The following GNA12 variants were observed in gnomAD, a reference collection of about 807,000 sequenced individuals.
GNA12 encodes guanine nucleotide-binding protein subunit alpha-12.
GNA12 carries 9 observed loss-of-function variants against 26.0 expected under a neutral mutation model. That is an observed-to-expected ratio of 0.35 (90% CI 0.21 to 0.60). The LOEUF is 0.60. Among genes scored for constraint, GNA12 ranks in the 20% least tolerant of loss-of-function variants. GNA12 has a pLI of 0.78. For synonymous variants in GNA12, 264 were observed against 219.6 expected (o/e 1.20, Z -1.79); for missense variants, 405 against 525.8 (o/e 0.77, Z 2.25).
At chr7:2,775,911 C>T (rs1383773584) in intron 2 of GNA12, among the ~76,000 whole-genome samples, 3 of 152,192 alleles carry the variant, frequency 2.0e-5, no homozygotes, top group Non-Finnish European at 4.4e-5. Context: ...GGAAAAGGTC[C>T]GTACAGCTAG....
chr7:2,741,715 G>C (rs138538825), intron 2 of GNA12, among the ~76,000 whole-genome samples: 2 of 151,890 alleles, frequency 1.3e-5, no homozygotes, highest in African/African-American at 4.8e-5. Flanking sequence ...TTAAAAATCC[G>C]TCATCATTTG....
Position 2,763,770 on chromosome 7 carries a change from T to C in GNA12, c.526-30269A>G, listed in dbSNP as rs565646664. Among the ~76,000 whole-genome samples the C allele has an allele frequency of 1.3e-3, 205 of 152,268 alleles. 2 individuals are homozygous for C. Among genetic ancestry groups the C allele is most frequent in the African/African-American group, 4.5e-3 (187 of 41,548 alleles). Reference sequence around the variant, plus strand: ...AAATGCCTCCCCCACAGGCTCTGCTTTTCCTGTCGCCTGGAACAAGAAAGC... The same window carrying C: ...AAATGCCTCCCCCACAGGCTCTGCTCTTCCTGTCGCCTGGAACAAGAAAGC... On this transcript the variant is annotated intron_variant, in intron 2 of 3. Coordinates refer to ENST00000275364, the MANE Select transcript of GNA12 (RefSeq NM_007353.3).
At chr7:2,796,704 G>A (rs116098060) in intron 1 of GNA12, among the ~76,000 whole-genome samples, 1,916 of 152,202 alleles carry the variant, frequency 0.013, 43 homozygotes, top group African/African-American at 0.043. Context: ...TCTTTTGCTT[G>A]TTTCCTCATT....
Position 2,731,628 on chromosome 7 carries a change from G to C in GNA12, c.699C>G (p.Ser233=). The change falls in exon 4 of 4, where the codon TCC becomes TCG. Residue 233 remains serine (S), a synonymous_variant. Coordinates refer to ENST00000275364, the MANE Select transcript of GNA12 (RefSeq NM_007353.3). This position sits in a 1 kb window ranked among gnomAD's most constrained non-coding sequence, Gnocchi z 6.0. ...AGCACTGGAACCACTTCTGGCGCTG[G>C]GACCGCTGGCCGCCCACATCCACCA... ...FKMVDVGGQR[S]QRQKWFQCFD... 1 of 1,613,898 alleles carries C rather than the reference G, an allele frequency of 6.2e-7. No homozygotes were observed. The highest frequency in any genetic ancestry group is 8.5e-7 in the Non-Finnish European group (1 of 1,179,964).
intron 1 of GNA12, among the ~76,000 whole-genome samples, chr7:2,827,443 C>T (rs548894942): frequency 2.6e-5 from 4 of 152,176 alleles, no homozygotes; most frequent in African/African-American, 9.7e-5. Flanking sequence ...GTTGTATTAA[C>T]GAAACTTCAG....
chr7:2,766,334 A>T (rs1791801839), intron 2 of GNA12, among the ~76,000 whole-genome samples: 1 of 150,696 alleles, frequency 6.6e-6, no homozygotes, highest in African/African-American at 2.4e-5. Flanking sequence ...GTGTGTATGT[A>T]CTACATGCTG....
chr7:2,786,747 A>G (rs1792372195), intron 2 of GNA12, among the ~76,000 whole-genome samples: 1 of 152,222 alleles, frequency 6.6e-6, no homozygotes, highest in South Asian at 2.1e-4. Flanking sequence ...ACCGGGACTG[A>G]TGCTGTCCCT....
Position 2,795,120 on chromosome 7 carries a change from T to C in GNA12, c.333A>G (p.Ala111=), listed in dbSNP as rs2230877. The C allele has an allele frequency of 9.7e-3, 15,691 of 1,613,288 alleles. 160 individuals are homozygous for C. The highest frequency in any genetic ancestry group is 0.049 in the African/African-American group (3,702 of 75,002). Residue 111 remains alanine, a synonymous_variant, in exon 2 of 4, where the codon GCA becomes GCG. Coordinates refer to ENST00000275364, the MANE Select transcript of GNA12 (RefSeq NM_007353.3). ...GCCAAGGAATGCCAAGCTTATCTCG[T>C]GCATCAACAAGAACCCTTGAGCCCT... is the stretch of plus-strand genomic sequence containing the variant. ...ILKGSRVLVD[A]RDKLGIPWQY... is the part of the protein sequence containing the mutation.
chr7:2,843,354 C>T (rs1331118100), intron 1 of GNA12, among the ~76,000 whole-genome samples: 1 of 152,018 alleles, frequency 6.6e-6, no homozygotes, highest in African/African-American at 2.4e-5. Flanking sequence ...CTAGAGAGGG[C>T]AGAGGCAGAC....
At chr7:2,754,310 T>C (rs993531652) in intron 2 of GNA12, among the ~76,000 whole-genome samples, 17 of 152,190 alleles carry the variant, frequency 1.1e-4, no homozygotes, top group South Asian at 4.1e-4. Context: ...ATATGTTTTG[T>C]TATTTTCTGT....
At chr7:2,817,174 C>T (rs1157742199) in intron 1 of GNA12, among the ~76,000 whole-genome samples, 4 of 152,354 alleles carry the variant, frequency 2.6e-5, no homozygotes, top group Admixed American at 6.5e-5. Flanking sequence ...GGCGCGACCT[C>T]GGCTCACCGC....
chr7:2,749,663 A>G (rs1455741236), intron 2 of GNA12, among the ~76,000 whole-genome samples: 1 of 152,152 alleles, frequency 6.6e-6, no homozygotes, highest in Non-Finnish European at 1.5e-5. Flanking sequence ...AAGTATAATA[A>G]TAATAAAATA....
chr7:2,789,009 C>T (rs980055869), intron 2 of GNA12, among the ~76,000 whole-genome samples: 17 of 151,628 alleles, frequency 1.1e-4, no homozygotes, highest in Admixed American at 5.3e-4. Flanking sequence ...TTAGTAGAGG[C>T]GGGGTTTTGC....
chr7:2,745,164 G>A (rs887374670), intron 2 of GNA12, among the ~76,000 whole-genome samples: 3 of 152,140 alleles, frequency 2.0e-5, no homozygotes, highest in East Asian at 1.9e-4. Context: ...AGGAAATACA[G>A]AGAACACCAC....
At chr7:2,823,867 A>T (rs1394912524) in intron 1 of GNA12, among the ~76,000 whole-genome samples, 2 of 152,188 alleles carry the variant, frequency 1.3e-5, no homozygotes, top group East Asian at 3.8e-4. Flanking sequence ...TCTTTTTCCC[A>T]TGAAAATAAT....
chr7:2,764,675 G>A (rs1375350343), intron 2 of GNA12: 1 of 152,206 alleles, frequency 6.6e-6, no homozygotes, highest in Non-Finnish European at 1.5e-5. Flanking sequence ...CTGTCTGAAT[G>A]CATCTGAGTT....
intron 2 of GNA12, among the ~76,000 whole-genome samples, chr7:2,734,891 C>T (rs1043628573): frequency 2.0e-5 from 3 of 152,148 alleles, no homozygotes; most frequent in African/African-American, 2.4e-5. Context: ...GGGAAGGCAT[C>T]GGGAGTGCCA....
intron 2 of GNA12, among the ~76,000 whole-genome samples, chr7:2,785,606 G>A (rs926816700): frequency 6.6e-6 from 1 of 152,214 alleles, no homozygotes; most frequent in African/African-American, 2.4e-5. Flanking sequence ...CCTATGAGCT[G>A]AAAAGTGATG....
chr7:2,731,071 G>T lies in GNA12; in HGVS notation c.*110C>A. On this transcript the variant is annotated 3_prime_UTR_variant, in exon 4 of 4. Transcript: ENST00000275364. The surrounding 1 kb of genome is among the most constrained non-coding windows in gnomAD (Gnocchi z 6.0). ...GCATTCCTGAGCCAGGTATTCCAGGGCACGGATCCGAGAAACCCACTCAAG... is the reference window on the plus strand; with the variant it reads ...GCATTCCTGAGCCAGGTATTCCAGGTCACGGATCCGAGAAACCCACTCAAG... 2 of 698,534 alleles carry T rather than the reference G, an allele frequency of 2.9e-6. No individual in the cohort carries two copies. The highest frequency in any genetic ancestry group is 4.8e-6 in the Non-Finnish European group (2 of 415,668). The allele number at this position is 698,534 out of a possible 1,614,324, so 43.3% of individuals were successfully genotyped here.
Sources: gnomAD v4.1 joint callset for allele counts (sites outside exome capture counted in the v4.1 genomes callset) on GRCh38, gnomAD v4.1.1 for gene constraint, Gnocchi (gnomAD v3.1) non-coding constraint, MANE v1.5 for transcripts, NCBI Gene and HGNC (gene_info 2026-07-23, HGNC 2026-07-21) for gene names.